PLCB1: variants seen among roughly 807,000 people sequenced by gnomAD.
PLCB1 encodes the protein phospholipase C beta 1, also known as 1-phosphatidylinositol 4,5-bisphosphate phosphodiesterase beta-1.
In PLCB1, 46 loss-of-function variants were observed where a neutral mutation model predicts 161.8. That is an observed-to-expected ratio of 0.28 (90% CI 0.22 to 0.36). The LOEUF (loss-of-function observed/expected upper bound fraction) is 0.36, where lower values mean the gene tolerates loss of function less well. Among genes scored for constraint, PLCB1 ranks in the 10% least tolerant of loss-of-function variants. The pLI, the probability that PLCB1 is intolerant of heterozygous loss-of-function variation, is 1.00. For missense variants in PLCB1, 1,016 were observed against 1,472.5 expected (o/e 0.69, Z 5.07); for synonymous variants, 517 against 503.7 (o/e 1.03, Z -0.35).
chr20:8,386,919 A>T (rs933763668), intron 3 of PLCB1, among the ~76,000 whole-genome samples: 1 of 152,226 alleles, frequency 6.6e-6, no homozygotes, highest in Non-Finnish European at 1.5e-5. Flanking sequence ...TGCTAGCTTC[A>T]TACTTTTCTT....
chr20:8,232,130 C>T (rs1600249930), intron 2 of PLCB1, among the ~76,000 whole-genome samples: 1 of 151,818 alleles, frequency 6.6e-6, no homozygotes, highest in African/African-American at 2.4e-5. Context: ...TTGCTTGAGC[C>T]CAGGAGTTCA....
chr20:8,589,894 C>T (rs998381937), intron 3 of PLCB1, among the ~76,000 whole-genome samples: 3 of 152,090 alleles, frequency 2.0e-5, no homozygotes, highest in Admixed American at 1.3e-4. Flanking sequence ...GCAGGGATTA[C>T]AGGCATGAGC....
chr20:8,378,220 T>A (rs919488912), intron 3 of PLCB1, among the ~76,000 whole-genome samples: 1 of 152,212 alleles, frequency 6.6e-6, no homozygotes, highest in Non-Finnish European at 1.5e-5. Flanking sequence ...TGAGGGAACC[T>A]TGAAGACATT....
intron 2 of PLCB1, among the ~76,000 whole-genome samples, chr20:8,232,198 A>G (rs1980080660): frequency 6.6e-6 from 1 of 151,314 alleles, no homozygotes; most frequent in African/African-American, 2.4e-5. Context: ...AGCCTGTCCA[A>G]CATAGCAAGA....
intron 3 of PLCB1, among the ~76,000 whole-genome samples, chr20:8,479,771 CCTT>C (rs1395070099): frequency 3.3e-5 from 5 of 152,304 alleles, no homozygotes; most frequent in Non-Finnish European, 5.9e-5. Context: ...TGGTATGACT[CCTT>C]CTCTTGCATT....
At chr20:8,292,644 T>C (rs946182369) in intron 2 of PLCB1, among the ~76,000 whole-genome samples, 5 of 152,114 alleles carry the variant, frequency 3.3e-5, no homozygotes, top group Non-Finnish European at 5.9e-5. Context: ...GGAGGAAATT[T>C]AAAGAATCGG....
At chr20:8,149,991 G>A (rs1468199963) in intron 1 of PLCB1, among the ~76,000 whole-genome samples, 1 of 152,006 alleles carries the variant, frequency 6.6e-6, no homozygotes, top group African/African-American at 2.4e-5. Context: ...ATGATGTTTA[G>A]TGTTAAAATT....
At chr20:8,191,208 C>T (rs374141565) in intron 2 of PLCB1, among the ~76,000 whole-genome samples, 8 of 151,720 alleles carry the variant, frequency 5.3e-5, no homozygotes, top group African/African-American at 1.9e-4. Context: ...TGTTTTGATA[C>T]GGGCATACAA....
chr20:8,170,964 C>T (rs1479888410), intron 2 of PLCB1, among the ~76,000 whole-genome samples: 1 of 152,046 alleles, frequency 6.6e-6, no homozygotes, highest in Non-Finnish European at 1.5e-5. Flanking sequence ...TGATTTTATT[C>T]TAATTTAGAT....
chr20:8,832,692 GCCCA>G (rs1410998801), intron 31 of PLCB1, among the ~76,000 whole-genome samples: 1 of 152,026 alleles, frequency 6.6e-6, no homozygotes, highest in Non-Finnish European at 1.5e-5. Flanking sequence ...CGAAAGCCTG[GCCCA>G]CAGGTGACTC....
chr20:8,572,278 T>C (rs1407686292), intron 3 of PLCB1, among the ~76,000 whole-genome samples: 1 of 152,192 alleles, frequency 6.6e-6, no homozygotes, highest in Non-Finnish European at 1.5e-5. Context: ...CCTACCAGCC[T>C]TCTGTACCTT....
chr20:8,728,927 C>G (rs767238077), intron 17 of PLCB1, 123 bp from the exon 18 acceptor site: 2 of 555,316 alleles, frequency 3.6e-6, no homozygotes, highest in Non-Finnish European at 5.7e-6. Context: ...CCAAAGTAGC[C>G]CAACGAGATC....
intron 2 of PLCB1, among the ~76,000 whole-genome samples, chr20:8,233,071 A>G (rs6055684): frequency 2.0e-5 from 3 of 152,290 alleles, no homozygotes; most frequent in Admixed American, 6.5e-5. Context: ...TAACTCAACC[A>G]TATGGCCAGT....
chr20:8,698,024 G>A (rs1343835603), intron 11 of PLCB1, among the ~76,000 whole-genome samples: 2 of 152,176 alleles, frequency 1.3e-5, no homozygotes, highest in East Asian at 1.9e-4. Flanking sequence ...CAAGGTATTT[G>A]TCTTGTCCTC....
intron 31 of PLCB1, among the ~76,000 whole-genome samples, chr20:8,878,481 A>G (rs1987854278): frequency 6.6e-6 from 1 of 152,204 alleles, no homozygotes; most frequent in South Asian, 2.1e-4. Flanking sequence ...TTGATGCCCC[A>G]GTGACTCGTA....
At chr20:8,810,942 T>G (rs1234321885) in intron 31 of PLCB1, among the ~76,000 whole-genome samples, 1 of 152,180 alleles carries the variant, frequency 6.6e-6, no homozygotes, top group Admixed American at 6.5e-5. Context: ...CTCTGGCCTC[T>G]GGCCTGGACA....
At chr20:8,842,433 A>G (rs1173224732) in intron 31 of PLCB1, among the ~76,000 whole-genome samples, 1 of 152,192 alleles carries the variant, frequency 6.6e-6, no homozygotes, top group African/African-American at 2.4e-5. Context: ...AAAATCTTCT[A>G]CTGAAGTGTT....
intron 1 of PLCB1, among the ~76,000 whole-genome samples, chr20:8,133,408 C>T (rs1470847890): frequency 6.6e-6 from 1 of 152,032 alleles, no homozygotes; most frequent in African/African-American, 2.4e-5. Context: ...CATGGGCCTG[C>T]AGGCAAGTGG....
intron 2 of PLCB1, among the ~76,000 whole-genome samples, chr20:8,232,893 G>A (rs1033273769): frequency 2.0e-5 from 3 of 152,246 alleles, no homozygotes; most frequent in Non-Finnish European, 4.4e-5. Flanking sequence ...TCTAGCAGCT[G>A]GCGCTGGCAT....
Sources: allele counts gnomAD v4.1 joint callset (sites outside exome capture counted in the v4.1 genomes callset), GRCh38; gene constraint gnomAD v4.1.1; transcripts MANE v1.5; gene names NCBI Gene and HGNC (gene_info 2026-07-23, HGNC 2026-07-21).